The following ZMYM1 variants were observed in gnomAD, a reference collection of about 807,000 sequenced individuals.
ZMYM1 encodes zinc finger MYM-type containing 1, also known as zinc finger MYM-type protein 1.
A neutral mutation model predicts 60.0 loss-of-function variants in ZMYM1; 39 were observed. That is an observed-to-expected ratio of 0.65 (90% CI 0.50 to 0.85). The LOEUF (loss-of-function observed/expected upper bound fraction) is 0.85. ZMYM1 is among the 40% of genes least tolerant of loss of function. The probability of loss-of-function intolerance (pLI) is 0.00; values close to 1 mark genes in which losing one functional copy is unlikely to be tolerated. For synonymous variants in ZMYM1, 413 were observed against 454.0 expected, an observed-to-expected ratio of 0.91 and a Z score of 1.15; for missense variants, 1,171 against 1,309.5, an observed-to-expected ratio of 0.89 and a Z score of 1.63.
intron 3 of ZMYM1, 61 bp downstream of exon 3, chr1:35,095,952 T>C (rs2148519155): frequency 1.6e-6 from 2 of 1,212,392 alleles, no homozygotes; most frequent in Non-Finnish European, 2.4e-6. Flanking sequence ...TGATTCATTC[T>C]TTTTTAATGC....
chr1:35,117,783 CTA>C, downstream of ZMYM1, among the ~76,000 whole-genome samples: 1 of 151,360 alleles, frequency 6.6e-6, no homozygotes, highest in East Asian at 2.0e-4. Flanking sequence ...TCTACTAAAA[CTA>C]TAAAATTAGC....
intron 2 of ZMYM1, among the ~76,000 whole-genome samples, chr1:35,095,026 G>A (rs6674667): frequency 0.012 from 1,851 of 152,134 alleles, 47 homozygotes; most frequent in African/African-American, 0.04. Flanking sequence ...ACTGGGGAAT[G>A]TTACTCATCT....
upstream of ZMYM1, among the ~76,000 whole-genome samples, chr1:35,077,172 C>T (rs1642182572): frequency 6.6e-6 from 1 of 151,996 alleles, no homozygotes; most frequent in Non-Finnish European, 1.5e-5. Context: ...ATCACACATC[C>T]TTACAATTTT....
downstream of ZMYM1, among the ~76,000 whole-genome samples, chr1:35,116,565 G>C (rs1002385240): frequency 2.0e-5 from 3 of 151,940 alleles, no homozygotes; most frequent in Non-Finnish European, 2.9e-5. Context: ...TCAAGTGATT[G>C]TCCTGCCTCA....
At chr1:35,081,556 T>G (rs553773325) in intron 1 of ZMYM1, among the ~76,000 whole-genome samples, 1 of 152,380 alleles carries the variant, frequency 6.6e-6, no homozygotes, top group African/African-American at 2.4e-5. Flanking sequence ...CTTCCTTAAT[T>G]TCTCTCAGCA....
intron 1 of ZMYM1, among the ~76,000 whole-genome samples, chr1:35,065,756 T>C (rs1379150095): frequency 1.3e-5 from 2 of 151,714 alleles, no homozygotes; most frequent in African/African-American, 4.8e-5. Flanking sequence ...AAACCAAAAC[T>C]TGGCTCTTTG....
intron 1 of ZMYM1, among the ~76,000 whole-genome samples, chr1:35,093,074 C>A (rs545115917): frequency 3.9e-5 from 6 of 151,928 alleles, no homozygotes; most frequent in Non-Finnish European, 8.8e-5. Flanking sequence ...TAAAAGACCT[C>A]GGAGTAAGAA....
downstream of ZMYM1, among the ~76,000 whole-genome samples, chr1:35,117,193 C>G (rs1287978238): frequency 2.0e-5 from 3 of 151,296 alleles, no homozygotes; most frequent in African/African-American, 7.3e-5. Context: ...CCCTTACCCT[C>G]TCATCAATTT....
At position 35,060,409 on chromosome 1, in the gene ZMYM1, C is replaced by G. The variant is rs566235343; in HGVS notation, c.-301+484C>G. ...TCCCGACCTCTGGTGATCGACCCCCCTCGGCCTCCCAAAGTGCTGGGATTA... is the reference window on the plus strand; with the variant it reads ...TCCCGACCTCTGGTGATCGACCCCCGTCGGCCTCCCAAAGTGCTGGGATTA... On this transcript the variant is annotated intron_variant, in intron 1 of 10. Transcript: ENST00000417119. Among the ~76,000 whole-genome samples, 662 of 152,158 alleles carry G rather than the reference C, an allele frequency of 4.4e-3. 1 individual carries two copies. Among genetic ancestry groups the G allele is most frequent in the Non-Finnish European group, 6.1e-3 (414 of 68,000 alleles).
rs750627088 is a variant in ZMYM1 at position 35,114,227 on chromosome 1, A to G, written c.2397A>G (p.Thr799=). 15 of 1,613,644 alleles carry G rather than the reference A, an allele frequency of 9.3e-6. No homozygotes were observed. The highest frequency in any genetic ancestry group is 4.5e-5 in the East Asian group (2 of 44,844). Residue 799 remains threonine (T), a synonymous_variant, in exon 10 of 10, where the codon ACA becomes ACG. Transcript: ENST00000359858. ...TTTATAGGCTAAGTCAAAACAAAACATGCAAGAAACATATATCACAATCAT... is the reference window on the plus strand; with the variant it reads ...TTTATAGGCTAAGTCAAAACAAAACGTGCAAGAAACATATATCACAATCAT... ...RNIYRLSQNK[T]CKKHISQSCW...
At chr1:35,094,187 C>G (rs1163418721) in intron 2 of ZMYM1, 104 bp downstream of exon 2, 5 of 912,186 alleles carry the variant, frequency 5.5e-6, no homozygotes, top group Non-Finnish European at 8.2e-6. Context: ...AAATCCTTAT[C>G]TCCTCCAAAG....
chr1:35,110,093 G>C (rs1644034901), intron 6 of ZMYM1, among the ~76,000 whole-genome samples: 1 of 152,016 alleles, frequency 6.6e-6, no homozygotes, highest in Non-Finnish European at 1.5e-5. Flanking sequence ...AAATATATCT[G>C]ATAAATAATA....
downstream of ZMYM1, among the ~76,000 whole-genome samples, chr1:35,117,712 G>A (rs915197048): frequency 7.2e-5 from 11 of 151,928 alleles, no homozygotes; most frequent in African/African-American, 2.4e-4. Flanking sequence ...AGGCCGAGGC[G>A]GGCAGATCAC....
chr1:35,072,083 G>A (rs1291261358), intron 1 of ZMYM1, among the ~76,000 whole-genome samples: 7 of 152,100 alleles, frequency 4.6e-5, no homozygotes, highest in East Asian at 1.9e-4. Context: ...GCAGTGAGCC[G>A]AGATCACGCC....
At chr1:35,081,090 C>G (rs962768096) in intron 1 of ZMYM1, among the ~76,000 whole-genome samples, 1 of 152,032 alleles carries the variant, frequency 6.6e-6, no homozygotes, top group African/African-American at 2.4e-5. Flanking sequence ...TACACCACAC[C>G]TGGCTAATTT....
intron 1 of ZMYM1, among the ~76,000 whole-genome samples, chr1:35,062,121 C>T (rs182310687): frequency 3.3e-5 from 5 of 152,128 alleles, no homozygotes; most frequent in Admixed American, 1.3e-4. Flanking sequence ...TGAGCCACTG[C>T]GCCCAGCCTT....
rs370067841 is a variant in ZMYM1 at position 35,113,320 on chromosome 1, C to T, written c.1490C>T (p.Thr497Ile). 6.2e-6 allele frequency: 10 copies of T among 1,612,642 alleles called. No homozygotes were observed. Among genetic ancestry groups the T allele is most frequent in the Non-Finnish European group, 8.5e-6 (10 of 1,179,376 alleles). The stretch of plus-strand genomic sequence containing the variant: ...AGCTGTGGAAGAGAGTCATTTGCAA[C>T]CCACGGAACTTCTAATTGGAAAAAA... Reference protein sequence around the residue: ...YFSCGRESFATHGTSNWKKTL... With the variant: ...YFSCGRESFAIHGTSNWKKTL... Residue 497 changes from threonine to isoleucine, a missense_variant, in exon 10 of 10, where the codon ACC (threonine) becomes ATC (isoleucine). By Grantham distance (89) the Thr-to-Ile change is moderately conservative. Transcript: ENST00000359858.
In ZMYM1 at chr1:35,097,531, A is replaced by G. The variant is rs1275059397; in HGVS notation, c.384A>G (p.Pro128=). 6.2e-7 allele frequency: 1 copy of G among 1,614,134 alleles called. No individual in the cohort carries two copies. Among genetic ancestry groups the G allele is most frequent in the East Asian group, 2.2e-5 (1 of 44,894 alleles). The part of the protein sequence containing the change: ...ITEYISSASS[P]VPSKRTCSNC... Reference sequence around the variant, plus strand: ...AATACATTTCATCTGCCAGTTCACCAGTTCCTTCTAAGAGAACTTGTTCAA... The same window carrying G: ...AATACATTTCATCTGCCAGTTCACCGGTTCCTTCTAAGAGAACTTGTTCAA... Residue 128 remains proline (P), a synonymous_variant, in exon 4 of 10, where the codon CCA becomes CCG. Transcript: ENST00000359858.
Position 35,113,748 on chromosome 1 carries a change from T to C in ZMYM1, c.1918T>C (p.Ser640Pro). The change falls in exon 10 of 10, where the codon TCC (serine) becomes CCC (proline). Residue 640 changes from serine to proline, a missense_variant. By Grantham distance (74) the Ser-to-Pro change is moderately conservative. Coordinates refer to ENST00000359858, the MANE Select transcript of ZMYM1 (RefSeq NM_024772.5). ...LQDIVNEIND[S>P]SAFSIICDET... ...GGATATTGTGAATGAGATCAATGAC[T>C]CCTCAGCATTTTCAATCATATGTGA... The C allele has an allele frequency of 1.9e-6, 3 of 1,613,930 alleles. No individual in the cohort carries two copies. The highest frequency in any genetic ancestry group is 1.7e-6 in the Non-Finnish European group (2 of 1,179,866).
Sources: gnomAD v4.1 joint callset for allele counts (sites outside exome capture counted in the v4.1 genomes callset) on GRCh38, gnomAD v4.1.1 for gene constraint, MANE v1.5 for transcripts, NCBI Gene and HGNC (gene_info 2026-07-23, HGNC 2026-07-21) for gene names.